SZT2: variants seen among roughly 807,000 people sequenced by gnomAD.
The protein encoded by SZT2 is KICSTOR complex protein SZT2.
In SZT2, 216 loss-of-function variants were observed where a neutral mutation model predicts 404.2. That is an observed-to-expected ratio of 0.53 (90% CI 0.48 to 0.60). The LOEUF (loss-of-function observed/expected upper bound fraction) is 0.60. Ranked by LOEUF, SZT2 falls within the 20% of genes least tolerant of loss-of-function variation. SZT2 has a pLI of 0.00. For synonymous variants in SZT2, 1,693 were observed against 1,749.9 expected (o/e 0.97, Z 0.81); for missense variants, 3,857 against 4,459.2 (o/e 0.86, Z 3.85).
Position 43,389,932 on chromosome 1 carries a change from C to G in SZT2, c.-37C>G, listed in dbSNP as rs376370099. On this transcript the variant is annotated 5_prime_UTR_variant, in exon 1 of 72. Transcript: ENST00000634258. ...GAGGTCAGGGGTCAAGAGTGGAACACCCTCACTGGCCCGGGCCGGCGCGGG... is the reference window on the plus strand; with the variant it reads ...GAGGTCAGGGGTCAAGAGTGGAACAGCCTCACTGGCCCGGGCCGGCGCGGG... 3.4e-6 allele frequency: 5 copies of G among 1,489,072 alleles called. No individual in the cohort carries two copies. The highest frequency in any genetic ancestry group is 2.6e-5 in the East Asian group (1 of 38,772). 92.2% of individuals were successfully genotyped at this position (1,489,072 alleles called of 1,614,324 possible). A position where few individuals can be genotyped will look rare whatever the true frequency, so the allele number is the denominator to read the frequency against.
At position 43,417,176 on chromosome 1, in the gene SZT2, AT is replaced by A. The variant is rs1354960240; in HGVS notation, c.879+536del. On this transcript the variant is annotated intron_variant, in intron 7 of 71. Transcript: ENST00000634258. ...AGAAGGAAAGTCATTAGTTGGGTTT[AT>A]GTTTTATAAAGGTCACTCTTGCTGC... is the stretch of plus-strand genomic sequence containing the variant. 2.3e-4 allele frequency among the ~76,000 whole-genome samples: 35 copies of A among 152,338 alleles called. 1 individual carries two copies. Among genetic ancestry groups the A allele is most frequent in the Middle Eastern group, 3.4e-3 (1 of 294 alleles).
At chr1:43,435,157 G>A (rs956137071) in intron 41 of SZT2, 43 bp from the exon 42 acceptor site, 3 of 1,606,322 alleles carry the variant, frequency 1.9e-6, no homozygotes. Context: ...ACCCACTTAG[G>A]AGGAGGTATT....
chr1:43,441,191 C>T lies in SZT2; in HGVS notation c.7345-23C>T. 1 of 1,610,094 alleles carries T rather than the reference C, an allele frequency of 6.2e-7. No individual in the cohort carries two copies. The highest frequency in any genetic ancestry group is 1.1e-5 in the South Asian group (1 of 90,744). ...CCTTTCCTCTTCCCAGTAGCCCTTC[C>T]TCATTCACTGCATTGCCCCCAGAGT... is the stretch of plus-strand genomic sequence containing the variant. On this transcript the variant is annotated intron_variant, in intron 52 of 71. Transcript: ENST00000634258. This position sits in a 1 kb window ranked among gnomAD's most constrained non-coding sequence, Gnocchi z 4.8.
At position 43,427,171 on chromosome 1, in the gene SZT2, C is replaced by T. The variant is rs142293764; in HGVS notation, c.3425C>T (p.Thr1142Ile). Residue 1142 changes from threonine (T) to isoleucine (I), a missense_variant, in exon 24 of 72, where the codon ACC becomes ATC. Coordinates refer to ENST00000634258, the MANE Select transcript of SZT2 (RefSeq NM_001365999.1). ...GTGTTTCTGACTTTTCTCCCAGCTA[C>T]CTTCTCAGGTGCCAGCTGCTGACCT... ...QHVFLTFLPATFSDVQRLAAC... is the reference protein window; with the variant it reads ...QHVFLTFLPAIFSDVQRLAAC... 86 of 1,614,108 alleles carry T rather than the reference C, an allele frequency of 5.3e-5. No individual in the cohort carries two copies. The highest frequency in any genetic ancestry group is 7.1e-5 in the Non-Finnish European group (84 of 1,180,048).
rs1557574243 is a variant in SZT2 at position 43,433,051 on chromosome 1, GC to G, written c.5670del (p.Phe1891SerfsTer47). The G allele has an allele frequency of 3.1e-6, 5 of 1,614,058 alleles. No individual in the cohort carries two copies. The highest frequency in any genetic ancestry group is 4.2e-6 in the Non-Finnish European group (5 of 1,180,014). The part of the protein sequence containing the change: ...EGPNDTLGEK[A>X]PFTLRTPPGP... The stretch of plus-strand genomic sequence containing the variant: ...TCCCAATGACACCCTTGGTGAGAAG[GC>G]CCCCTTCACATTGCGGACTCCACCT... On this transcript the variant is annotated frameshift_variant, in exon 40 of 72. Coordinates refer to ENST00000634258, the MANE Select transcript of SZT2 (RefSeq NM_001365999.1). LOFTEE classifies it high-confidence loss of function.
intron 4 of SZT2, chr1:43,405,829 C>A (rs1173431869): frequency 6.6e-6 from 1 of 152,254 alleles, no homozygotes; most frequent in African/African-American, 2.4e-5. Context: ...AAACTTGGTT[C>A]AGGTTGGCAA....
Position 43,446,655 on chromosome 1 carries a change from G to C in SZT2, c.9072+239G>C, listed in dbSNP as rs1261310011. ...AGCTGTAGCCCTGAGGCAGCACAGT[G>C]CCTGGTCTGGCCTGTAGTCATCTAG... is the stretch of plus-strand genomic sequence containing the variant. On this transcript the variant is annotated intron_variant, in intron 65 of 71. Transcript: ENST00000634258. 3.5e-5 allele frequency: 22 copies of C among 625,242 alleles called. No homozygotes were observed. In the East Asian group the frequency reaches 6.0e-4, roughly 17 times the overall value. The allele number at this position is 625,242 out of a possible 1,614,324, so 38.7% of individuals were successfully genotyped here.
rs1157558396 is a variant in SZT2, at chr1:43,401,321, G to A, written c.28-1856G>A. Among the ~76,000 whole-genome samples, 3 of 152,154 alleles carry A rather than the reference G, an allele frequency of 2.0e-5. No individual in the cohort carries two copies. In the East Asian group the frequency reaches 5.8e-4, roughly 29 times the overall value. On this transcript the variant is annotated intron_variant, in intron 1 of 71. Coordinates refer to ENST00000634258, the MANE Select transcript of SZT2 (RefSeq NM_001365999.1). ...AGAACAGCACTTTAGATTGGTATTA[G>A]AATTCTCTATTTTACAAAGGAGGAC...
Position 43,448,626 on chromosome 1 carries a change from C to T in SZT2, c.9984C>T (p.Ser3328=), listed in dbSNP as rs200715745. The change falls in exon 70 of 72, where the codon TCC becomes TCT. Residue 3328 remains serine (S), a synonymous_variant. Transcript: ENST00000634258. The surrounding 1 kb of genome is among the most constrained non-coding windows in gnomAD (Gnocchi z 4.2). ...DIDPQLDCFL[S]MTVSWYQSLI... ...TCCTCCCTCAGGACTGCTTCCTATC[C>T]ATGACGGTCTCCTGGTACCAGAGCC... is the stretch of plus-strand genomic sequence containing the variant. 2.9e-5 allele frequency: 47 copies of T among 1,614,188 alleles called. No homozygotes were observed. Among genetic ancestry groups the T allele is most frequent in the Non-Finnish European group, 4.2e-6 (5 of 1,180,026 alleles).
chr1:43,447,587 T>A lies in SZT2; in HGVS notation c.9329T>A (p.Leu3110Gln). Reference protein sequence around the residue: ...LPTPLIAAHQLYNYVADHASS... With the variant: ...LPTPLIAAHQQYNYVADHASS... ...ACACCACTCATTGCTGCCCACCAGC[T>A]ATACAACTACGTGGCTGATCACGCC... is the stretch of plus-strand genomic sequence containing the variant. Residue 3110 changes from leucine to glutamine, a missense_variant, in exon 67 of 72, where the codon CTA becomes CAA. Around this residue, in one of 7 missense-constraint regions of SZT2, gnomAD observed 717 missense variants for 868.2 expected, o/e 0.83. Coordinates refer to ENST00000634258, the MANE Select transcript of SZT2 (RefSeq NM_001365999.1). 6.2e-7 allele frequency: 1 copy of A among 1,614,178 alleles called. No homozygotes were observed. The highest frequency in any genetic ancestry group is 8.5e-7 in the Non-Finnish European group (1 of 1,180,026).
At position 43,426,594 on chromosome 1, in the gene SZT2, C is replaced by T; in HGVS notation, c.3214+56C>T. On this transcript the variant is annotated intron_variant, in intron 22 of 71. Coordinates refer to ENST00000634258, the MANE Select transcript of SZT2 (RefSeq NM_001365999.1). The surrounding 1 kb of genome is among the most constrained non-coding windows in gnomAD (Gnocchi z 4.9). ...CCCTGGCCCAGCCCTTTTCCCCCAC[C>T]CTCACAGGGTGATTTCTGTCTTTGA... 6.6e-7 allele frequency: 1 copy of T among 1,511,786 alleles called. No individual in the cohort carries two copies. The highest frequency in any genetic ancestry group is 8.9e-7 in the Non-Finnish European group (1 of 1,126,738). The allele number at this position is 1,511,786 out of a possible 1,614,324, so 93.6% of individuals were successfully genotyped here. A position where few individuals can be genotyped will look rare whatever the true frequency, so the allele number is the denominator to read the frequency against.
At chr1:43,395,161 T>C (rs1164385156) in intron 1 of SZT2, among the ~76,000 whole-genome samples, 1 of 152,220 alleles carries the variant, frequency 6.6e-6, no homozygotes, top group Non-Finnish European at 1.5e-5. Context: ...GAAAGCTTTC[T>C]AATAGTCTGT....
Position 43,427,517 on chromosome 1 carries a change from C to CT in SZT2, c.3599-9dup, listed in dbSNP as rs775985687. The stretch of plus-strand genomic sequence containing the variant: ...ATAGAGCTGGAAGACCACGTGACAC[C>CT]TTTTCTTCACAGACAATGCCCAGAA... On this transcript the variant is annotated splice_polypyrimidine_tract_variant and intron_variant, in intron 25 of 71. Transcript: ENST00000634258. The CT allele has an allele frequency of 3.7e-6, 6 of 1,614,160 alleles. No individual in the cohort carries two copies. Among genetic ancestry groups the CT allele is most frequent in the Non-Finnish European group, 5.1e-6 (6 of 1,179,960 alleles).
intron 63 of SZT2, 28 bp downstream of exon 63, chr1:43,446,012 C>T (rs779704499): frequency 1.2e-6 from 2 of 1,610,366 alleles, no homozygotes; most frequent in Non-Finnish European, 1.7e-6. Context: ...GGTAAAGTTA[C>T]TGATGCTAAA....
rs1649927592 is a variant in SZT2, at chr1:43,403,474, G to A, written c.154-127G>A. 10 of 1,394,750 alleles carry A rather than the reference G, an allele frequency of 7.2e-6. No individual in the cohort carries two copies. The South Asian group carries it at 9.9e-5, about 14-fold the overall frequency. The allele number at this position is 1,394,750 out of a possible 1,614,324, so 86.4% of individuals were successfully genotyped here. ...AAATAATTTTTCCAGAGAGTGAGAG[G>A]AAGAGTATACGGTTAGATTGAGGGA... On this transcript the variant is annotated intron_variant, in intron 2 of 71. Transcript: ENST00000634258.
At position 43,447,090 on chromosome 1, in the gene SZT2, C is replaced by T; in HGVS notation, c.9208C>T (p.His3070Tyr). 1 of 1,613,970 alleles carries T rather than the reference C, an allele frequency of 6.2e-7. No homozygotes were observed. The highest frequency in any genetic ancestry group is 8.5e-7 in the Non-Finnish European group (1 of 1,180,026). The change falls in exon 66 of 72, where the codon CAC becomes TAC. Residue 3070 changes from histidine to tyrosine, a missense_variant. Coordinates refer to ENST00000634258, the MANE Select transcript of SZT2 (RefSeq NM_001365999.1). ...GAHLVLRHGY[H>Y]LTTFLRHFLA... ...CCATCTGGTGCTGCGGCACGGCTAC[C>T]ACCTCACCACCTTTCTGCGACACTT...
Position 43,427,405 on chromosome 1 carries a change from A to T in SZT2, c.3558A>T (p.Thr1186=), listed in dbSNP as rs745328173. The T allele has an allele frequency of 1.2e-6, 2 of 1,613,870 alleles. No homozygotes were observed. Among genetic ancestry groups the T allele is most frequent in the Admixed American group, 3.3e-5 (2 of 59,986 alleles). Residue 1186 remains threonine (T), a synonymous_variant, in exon 25 of 72, where the codon ACA becomes ACT. Coordinates refer to ENST00000634258, the MANE Select transcript of SZT2 (RefSeq NM_001365999.1). ...KDLGGTGIKA[T]KSHVPVLSVT... ...TAGGAGGAACTGGGATCAAAGCTACAAAGTCCCACGTCCCTGTCCTCAGTG... is the reference window on the plus strand; with the variant it reads ...TAGGAGGAACTGGGATCAAAGCTACTAAGTCCCACGTCCCTGTCCTCAGTG...
rs770524450 is a variant in SZT2, at chr1:43,442,160, C to T, written c.7873+30C>T. On this transcript the variant is annotated intron_variant, in intron 56 of 71. Coordinates refer to ENST00000634258, the MANE Select transcript of SZT2 (RefSeq NM_001365999.1). The surrounding 1 kb of genome is among the most constrained non-coding windows in gnomAD (Gnocchi z 4.5). ...GGGCATGGCCCGGGGGGGCGGGGGGCGGGTAGGCTAAGAGTAACTGGTGGG... is the reference window on the plus strand; with the variant it reads ...GGGCATGGCCCGGGGGGGCGGGGGGTGGGTAGGCTAAGAGTAACTGGTGGG... The T allele has an allele frequency of 2.5e-5, 38 of 1,531,346 alleles. No homozygotes were observed. Among genetic ancestry groups the T allele is most frequent in the South Asian group, 2.4e-4 (20 of 83,300 alleles). The allele number at this position is 1,531,346 out of a possible 1,614,324, so 94.9% of individuals were successfully genotyped here. A position where few individuals can be genotyped will look rare whatever the true frequency, so the allele number is the denominator to read the frequency against.
chr1:43,411,407 T>C (rs1651029233), intron 4 of SZT2, among the ~76,000 whole-genome samples: 1 of 152,158 alleles, frequency 6.6e-6, no homozygotes, highest in Non-Finnish European at 1.5e-5. Context: ...GATGGCTACT[T>C]CTCCATGGTT....
Sources: gnomAD v4.1 joint callset for allele counts (sites outside exome capture counted in the v4.1 genomes callset) on GRCh38, gnomAD v4.1.1 for gene constraint, gnomAD v4.1.1 regional missense constraint, Gnocchi (gnomAD v3.1) non-coding constraint, MANE v1.5 for transcripts, NCBI Gene and HGNC (gene_info 2026-07-23, HGNC 2026-07-21) for gene names.